The following SDHA variants were observed in gnomAD, a reference collection of about 807,000 sequenced individuals.
SDHA encodes the protein succinate dehydrogenase [ubiquinone] flavoprotein subunit, mitochondrial.
A neutral mutation model predicts 78.4 loss-of-function variants in SDHA; 48 were observed. The ratio of observed to expected loss-of-function variants is 0.61; its 90% CI spans 0.49 to 0.78. The LOEUF is 0.78. Ranked by LOEUF, SDHA falls within the 30% of genes least tolerant of loss-of-function variation. The pLI is 0.00. For missense variants in SDHA, 680 were observed against 892.7 expected, an observed-to-expected ratio of 0.76 and a Z score of 3.04; for synonymous variants, 326 against 353.9, an observed-to-expected ratio of 0.92 and a Z score of 0.88.
At chr5:248,905 C>T (rs761657879) in intron 11 of SDHA, 18 of 403,738 alleles carry the variant, frequency 4.5e-5, no homozygotes, top group Non-Finnish European at 8.1e-5. Context: ...TGTAGTGGCA[C>T]CTCAACCTCA....
At chr5:246,466 G>A (rs1371871853) in intron 11 of SDHA, among the ~76,000 whole-genome samples, 4 of 136,004 alleles carry the variant, frequency 2.9e-5, no homozygotes, top group Admixed American at 7.5e-5. Context: ...AAGCAAGGCC[G>A]TAAAGCTCAA....
intron 13 of SDHA, among the ~76,000 whole-genome samples, chr5:252,536 C>G (rs1469447287): frequency 6.7e-6 from 1 of 149,510 alleles, no homozygotes; most frequent in African/African-American, 2.5e-5. Context: ...GTCACCGTTT[C>G]AAACCTGCCC....
chr5:235,086 C>G, intron 8 of SDHA, 58 bp from the exon 9 acceptor site: 1 of 1,529,730 alleles, frequency 6.5e-7, no homozygotes, highest in South Asian at 1.1e-5. Context: ...ATGACGTATT[C>G]TCAGGTCTCC....
chr5:235,453 G>T (rs1735719344), intron 9 of SDHA, 114 bp downstream of exon 9: 1 of 1,042,316 alleles, frequency 9.6e-7, no homozygotes, highest in African/African-American at 1.6e-5. Flanking sequence ...CTTCAAGAAA[G>T]TACTGTATTG....
intron 5 of SDHA, 157 bp from the exon 6 acceptor site, chr5:228,028 G>A (rs1318239967): frequency 6.8e-6 from 5 of 738,020 alleles, no homozygotes; most frequent in East Asian, 5.4e-5. Flanking sequence ...AATGCCTCTC[G>A]GGCTCTGACA....
chr5:254,767 C>G (rs1396306562), intron 14 of SDHA, among the ~76,000 whole-genome samples: 1 of 152,080 alleles, frequency 6.6e-6, no homozygotes, highest in Admixed American at 6.6e-5. Flanking sequence ...CGTCACTGGG[C>G]AGGAGCAAGT....
In SDHA at chr5:256,782, A is replaced by G. The variant is rs892733220; in HGVS notation, c.*362A>G. The stretch of plus-strand genomic sequence containing the variant: ...AAATGTAATCTTTGTATTGTGTTAC[A>G]TCAAAATCCAGATATTTTGTATAGT... On this transcript the variant is annotated 3_prime_UTR_variant, in exon 15 of 15. Coordinates refer to ENST00000264932, the MANE Select transcript of SDHA (RefSeq NM_004168.4). The G allele has an allele frequency of 2.8e-5, 8 of 289,880 alleles. No individual in the cohort carries two copies. Among genetic ancestry groups the G allele is most frequent in the Non-Finnish European group, 4.6e-5 (7 of 153,212 alleles). The allele number at this position is 289,880 out of a possible 1,614,324, so 18.0% of individuals were successfully genotyped here. A position where few individuals can be genotyped will look rare whatever the true frequency, so the allele number is the denominator to read the frequency against.
In SDHA at chr5:245,398, G is replaced by A. The variant is rs533107387; in HGVS notation, c.1551+4922G>A. ...TGAACGGTTTGCATTTACAATTCGT[G>A]CAGTAAACAACCTGCAGCCTGCTAA... On this transcript the variant is annotated intron_variant, in intron 11 of 14. Transcript: ENST00000264932. Among the ~76,000 whole-genome samples the A allele has an allele frequency of 2.6e-5, 4 of 152,284 alleles. No individual in the cohort carries two copies. In the East Asian group the frequency reaches 7.7e-4, roughly 29 times the overall value.
chr5:251,973 C>T (rs190861748), intron 13 of SDHA: 27,155 of 329,222 alleles, frequency 0.082, 1,426 homozygotes, highest in Non-Finnish European at 0.1. Context: ...AGTAAGCCAC[C>T]GTTTCAAGCC....
chr5:238,351 C>T (rs28641621), intron 10 of SDHA, among the ~76,000 whole-genome samples: 4 of 150,894 alleles, frequency 2.7e-5, no homozygotes, highest in South Asian at 2.1e-4. Flanking sequence ...CTTTAATTTT[C>T]AAAAATGAAA....
intron 10 of SDHA, among the ~76,000 whole-genome samples, chr5:239,702 A>G (rs1335502839): frequency 6.6e-6 from 1 of 152,094 alleles, no homozygotes; most frequent in Non-Finnish European, 1.5e-5. Context: ...ACCATCTGGA[A>G]GGTGTCTCTT....
At chr5:259,951 C>G (rs554650600), downstream of SDHA, among the ~76,000 whole-genome samples, 14 of 7,306 alleles carry the variant, frequency 1.9e-3, no homozygotes, top group South Asian at 8.5e-3. Flanking sequence ...CCGCCTCCCG[C>G]CAGAGCATTA....
intron 13 of SDHA, among the ~76,000 whole-genome samples, chr5:252,086 CTGTTT>C (rs1736866871): frequency 6.7e-6 from 1 of 149,320 alleles, no homozygotes; most frequent in African/African-American, 2.5e-5. Flanking sequence ...GAGTAAGCCA[CTGTTT>C]CAAACCTGCC....
At chr5:225,861 T>A in intron 4 of SDHA, 22 bp from the exon 5 acceptor site, 1 of 1,612,130 alleles carries the variant, frequency 6.2e-7, no homozygotes, top group Non-Finnish European at 8.5e-7. Context: ...TTAAGGTTTT[T>A]GTTTGTTTTT....
Position 218,349 on chromosome 5 carries a change from A to T in SDHA, c.-7A>T, listed in dbSNP as rs751633537. ...ACTGGCGGGACTGCGCGGCGGCAACAGCAGACATGTCGGGGGTCCGGGGCC... is the reference window on the plus strand; with the variant it reads ...ACTGGCGGGACTGCGCGGCGGCAACTGCAGACATGTCGGGGGTCCGGGGCC... On this transcript the variant is annotated 5_prime_UTR_variant, in exon 1 of 15. Transcript: ENST00000264932. 49 of 1,455,446 alleles carry T rather than the reference A, an allele frequency of 3.4e-5. No homozygotes were observed. Among genetic ancestry groups the T allele is most frequent in the Non-Finnish European group, 4.0e-5 (45 of 1,113,260 alleles). 90.2% of individuals were successfully genotyped at this position (1,455,446 alleles called of 1,614,324 possible). A position where few individuals can be genotyped will look rare whatever the true frequency, so the allele number is the denominator to read the frequency against.
the SDHA span, among the ~76,000 whole-genome samples, chr5:266,182 A>G: frequency 3.9e-5 from 6 of 152,266 alleles, no homozygotes; most frequent in Admixed American, 2.6e-4. Context: ...AGGAAAAGTA[A>G]CAGGTGGCAA....
At chr5:241,713 T>G (rs1669922555) in intron 11 of SDHA, among the ~76,000 whole-genome samples, 1 of 152,244 alleles carries the variant, frequency 6.6e-6, no homozygotes, top group Admixed American at 6.5e-5. Context: ...AGTCCTATTC[T>G]GAAATAGGTG....
intron 9 of SDHA, 99 bp from the exon 10 acceptor site, chr5:236,329 C>G: frequency 7.8e-7 from 1 of 1,280,122 alleles, no homozygotes; most frequent in South Asian, 1.2e-5. Context: ...TGGCCTACTT[C>G]CCTCTCTCTG....
downstream of SDHA, among the ~76,000 whole-genome samples, chr5:258,891 T>TTACCGTGTGAGCTCCGCCTC (rs1737381033): frequency 5.7e-5 from 1 of 17,572 alleles, no homozygotes; most frequent in Non-Finnish European, 1.1e-4. Context: ...AGCTCCGCCC[T>TTACCGTGTGAGCTCCGCCTC]CCGCCAGAGC....
Sources: allele counts gnomAD v4.1 joint callset (sites outside exome capture counted in the v4.1 genomes callset), GRCh38; gene constraint gnomAD v4.1.1; transcripts MANE v1.5; gene names NCBI Gene and HGNC (gene_info 2026-07-23, HGNC 2026-07-21).